The following WWOX variants were observed in gnomAD, a reference collection of about 807,000 sequenced individuals.
WWOX encodes WW domain-containing oxidoreductase.
WWOX carries 69 observed loss-of-function variants against 46.2 expected under a neutral mutation model. The observed-to-expected ratio is 1.49, with a 90% CI of 1.23 to 1.82. The LOEUF (loss-of-function observed/expected upper bound fraction) is 1.82. WWOX is among the 40% of genes most tolerant of loss of function. The pLI, the probability that WWOX is intolerant of heterozygous loss-of-function variation, is 0.00. For missense variants in WWOX, 919 were observed against 542.6 expected (o/e 1.69, Z -6.89); for synonymous variants, 359 against 202.6 (o/e 1.77, Z -6.56).
chr16:79,188,993 T>C (rs1215191281), intron 8 of WWOX, among the ~76,000 whole-genome samples: 1 of 152,052 alleles, frequency 6.6e-6, no homozygotes, highest in African/African-American at 2.4e-5. Flanking sequence ...TGACACATAG[T>C]GGAAAGCTTT....
chr16:78,173,252 C>T (rs755108762), intron 5 of WWOX, among the ~76,000 whole-genome samples: 9 of 152,154 alleles, frequency 5.9e-5, no homozygotes, highest in Admixed American at 6.5e-5. Context: ...TGAATACTAA[C>T]TCACTCGGTG....
chr16:78,678,687 G>C (rs1219357933), intron 8 of WWOX, among the ~76,000 whole-genome samples: 1 of 152,120 alleles, frequency 6.6e-6, no homozygotes, highest in African/African-American at 2.4e-5. Flanking sequence ...GATTGGGTCT[G>C]AGATAAACCT....
At chr16:78,771,465 T>A (rs1393169262) in intron 8 of WWOX, among the ~76,000 whole-genome samples, 3 of 152,124 alleles carry the variant, frequency 2.0e-5, no homozygotes, top group African/African-American at 7.2e-5. Flanking sequence ...GCCACGGAAT[T>A]GTATCCTTAA....
chr16:78,936,920 T>C (rs1016238410), intron 8 of WWOX, among the ~76,000 whole-genome samples: 1 of 151,376 alleles, frequency 6.6e-6, no homozygotes, highest in Non-Finnish European at 1.5e-5. Context: ...AAGCAAGGAG[T>C]TTTTCATGGT....
At chr16:79,042,799 C>G (rs927594621) in intron 8 of WWOX, among the ~76,000 whole-genome samples, 8 of 148,484 alleles carry the variant, frequency 5.4e-5, no homozygotes, top group Admixed American at 2.0e-4. Flanking sequence ...GTCTAATATA[C>G]TGTTGAACCA....
At chr16:78,814,630 T>C (rs2051283622) in intron 8 of WWOX, among the ~76,000 whole-genome samples, 1 of 152,206 alleles carries the variant, frequency 6.6e-6, no homozygotes, top group Non-Finnish European at 1.5e-5. Context: ...ATTGGTTCTT[T>C]TCTATGGAAT....
At chr16:78,725,925 CTCCTT>C (rs2048819625) in intron 8 of WWOX, among the ~76,000 whole-genome samples, 1 of 151,766 alleles carries the variant, frequency 6.6e-6, no homozygotes, top group African/African-American at 2.4e-5. Flanking sequence ...TCTCTTTTTT[CTCCTT>C]TCCTTTTCTT....
chr16:78,997,822 C>G (rs187266267), intron 8 of WWOX, among the ~76,000 whole-genome samples: 1 of 152,126 alleles, frequency 6.6e-6, no homozygotes, highest in African/African-American at 2.4e-5. Flanking sequence ...GCAGATTTCA[C>G]GCTGCCTTCC....
intron 5 of WWOX, among the ~76,000 whole-genome samples, chr16:78,357,558 G>C (rs8048156): frequency 0.097 from 14,725 of 152,144 alleles, 1,063 homozygotes; most frequent in African/African-American, 0.2. Flanking sequence ...GGCATAATCA[G>C]AGAAAACGTG....
intron 8 of WWOX, among the ~76,000 whole-genome samples, chr16:78,764,415 G>A (rs1398375331): frequency 1.3e-5 from 2 of 151,176 alleles, no homozygotes; most frequent in Admixed American, 6.6e-5. Context: ...CCTCTTGTTG[G>A]AAGGGAAATT....
intron 8 of WWOX, among the ~76,000 whole-genome samples, chr16:78,570,724 G>T (rs2044695333): frequency 6.6e-6 from 1 of 152,106 alleles, no homozygotes; most frequent in Non-Finnish European, 1.5e-5. Flanking sequence ...CATTTCAGTG[G>T]GGGAGCCAGC....
intron 8 of WWOX, among the ~76,000 whole-genome samples, chr16:78,956,563 CA>C (rs561624100): frequency 1.2e-3 from 181 of 152,284 alleles, no homozygotes; most frequent in Non-Finnish European, 2.2e-3. Context: ...TTTTCACAGA[CA>C]TGGAATGACA....
chr16:78,517,855 ATTTTTTTTTTTT>A (rs11342538), intron 8 of WWOX, among the ~76,000 whole-genome samples: 1 of 86,394 alleles, frequency 1.2e-5, no homozygotes, highest in Non-Finnish European at 2.3e-5. Flanking sequence ...TACACAACCT[ATTTTTTTTTTTT>A]TTTTTTTTTT....
intron 5 of WWOX, among the ~76,000 whole-genome samples, chr16:78,223,136 A>G (rs1172620868): frequency 6.6e-6 from 1 of 152,208 alleles, no homozygotes; most frequent in Non-Finnish European, 1.5e-5. Context: ...TCAGTAGCAG[A>G]AATAAATATA....
intron 8 of WWOX, among the ~76,000 whole-genome samples, chr16:78,916,628 C>T (rs1052636689): frequency 2.6e-5 from 4 of 152,068 alleles, no homozygotes; most frequent in Non-Finnish European, 5.9e-5. Context: ...TTGGCCTAGA[C>T]GAGCAAAGAT....
At chr16:78,270,178 G>C (rs116506508) in intron 5 of WWOX, 2 of 152,066 alleles carry the variant, frequency 1.3e-5, no homozygotes, top group South Asian at 4.1e-4. Flanking sequence ...GGTAATGCTA[G>C]TTTTTGCATT....
At position 78,353,038 on chromosome 16, in the gene WWOX, G is replaced by T. The variant is rs552166250; in HGVS notation, c.517-33822G>T. On this transcript the variant is annotated intron_variant, in intron 5 of 8. Coordinates refer to ENST00000566780, the MANE Select transcript of WWOX (RefSeq NM_016373.4). ...GTAATTTATTCGTCTTTCTTCTTTT[G>T]TAAAATAATGGCAGTTTGTAACTCA... Among the ~76,000 whole-genome samples the T allele has an allele frequency of 2.0e-5, 3 of 152,224 alleles. No homozygotes were observed. In the East Asian group the frequency reaches 5.8e-4, roughly 29 times the overall value.
chr16:78,786,639 A>T (rs961899786), intron 8 of WWOX, among the ~76,000 whole-genome samples: 16 of 152,176 alleles, frequency 1.1e-4, no homozygotes, highest in African/African-American at 3.6e-4. Context: ...TGTAATTTTC[A>T]TCAAAATCTA....
At chr16:79,198,044 G>T (rs917807510) in intron 8 of WWOX, among the ~76,000 whole-genome samples, 1 of 152,118 alleles carries the variant, frequency 6.6e-6, no homozygotes, top group South Asian at 2.1e-4. Flanking sequence ...TAGAAAATGG[G>T]CTGGGCATGG....
Sources: allele counts gnomAD v4.1 joint callset (sites outside exome capture counted in the v4.1 genomes callset), GRCh38; gene constraint gnomAD v4.1.1; transcripts MANE v1.5; gene names NCBI Gene and HGNC (gene_info 2026-07-23, HGNC 2026-07-21).